Variants in SLC13A1 observed in about 807,000 individuals in gnomAD.
SLC13A1 encodes Na(+)/sulfate cotransporter.
Under a neutral mutation model 70.0 loss-of-function variants are expected in SLC13A1, and 65 were observed. That is an observed-to-expected ratio of 0.93 (90% confidence interval 0.76 to 1.14). SLC13A1 has a LOEUF of 1.14. Among genes scored for constraint, SLC13A1 ranks in the 50% most tolerant of loss-of-function variants. The pLI is 0.00. For missense variants in SLC13A1, 726 were observed against 717.8 expected, an observed-to-expected ratio of 1.01 and a Z score of -0.13; for synonymous variants, 275 against 250.5, an observed-to-expected ratio of 1.10 and a Z score of -0.92.
intron 7 of SLC13A1, among the ~76,000 whole-genome samples, chr7:123,146,469 C>A (rs191948663): frequency 2.0e-5 from 3 of 152,246 alleles, no homozygotes; most frequent in Admixed American, 2.0e-4. Flanking sequence ...GAGCTGAGAT[C>A]GCACCACTGT....
At chr7:123,149,099 G>A (rs756466818) in intron 6 of SLC13A1, among the ~76,000 whole-genome samples, 31 of 152,052 alleles carry the variant, frequency 2.0e-4, no homozygotes, top group Non-Finnish European at 3.8e-4. Context: ...GCCTGGTGAC[G>A]TATGACACAC....
chr7:123,138,307 A>G (rs539579176), intron 7 of SLC13A1, among the ~76,000 whole-genome samples: 2 of 152,208 alleles, frequency 1.3e-5, no homozygotes, highest in African/African-American at 4.8e-5. Context: ...TTCTTCATCC[A>G]TCCGTTGATA....
chr7:123,137,865 C>A (rs1794004676), intron 7 of SLC13A1, among the ~76,000 whole-genome samples: 1 of 152,076 alleles, frequency 6.6e-6, no homozygotes, highest in Non-Finnish European at 1.5e-5. Context: ...ATAATCAGAT[C>A]ATAGAAATGG....
In SLC13A1 at chr7:123,123,350, T is replaced by A. The variant is rs1793451154; in HGVS notation, c.1241-115A>T. 43 of 653,640 alleles carry A rather than the reference T, an allele frequency of 6.6e-5. No individual in the cohort carries two copies. The South Asian group carries it at 7.7e-4, about 12-fold the overall frequency. The allele number at this position is 653,640 out of a possible 1,614,324, so 40.5% of individuals were successfully genotyped here. ...AGTTTGTAATATTCCTATATTGTTTTTAAAGAGGGGAATTAATCTGGAGTT... is the reference window on the plus strand; with the variant it reads ...AGTTTGTAATATTCCTATATTGTTTATAAAGAGGGGAATTAATCTGGAGTT... On this transcript the variant is annotated intron_variant, in intron 11 of 14. Coordinates refer to ENST00000194130, the MANE Select transcript of SLC13A1 (RefSeq NM_022444.4).
chr7:123,185,457 C>T (rs1795768049), intron 1 of SLC13A1, among the ~76,000 whole-genome samples: 1 of 151,914 alleles, frequency 6.6e-6, no homozygotes, highest in Admixed American at 6.6e-5. Context: ...TTGATTTTTG[C>T]ATATAGTGAG....
intron 6 of SLC13A1, among the ~76,000 whole-genome samples, chr7:123,148,039 C>T (rs563610969): frequency 5.9e-5 from 9 of 152,252 alleles, no homozygotes; most frequent in Admixed American, 2.6e-4. Flanking sequence ...GTTTTCAACA[C>T]CATATACCTC....
chr7:123,139,375 T>C (rs778931827), intron 7 of SLC13A1, among the ~76,000 whole-genome samples: 11 of 152,150 alleles, frequency 7.2e-5, no homozygotes, highest in Non-Finnish European at 1.2e-4. Context: ...ATCTTTTTGC[T>C]AAAGATAGCT....
intron 8 of SLC13A1, among the ~76,000 whole-genome samples, chr7:123,133,243 T>C (rs1488080804): frequency 6.6e-6 from 1 of 152,186 alleles, no homozygotes; most frequent in Non-Finnish European, 1.5e-5. Flanking sequence ...GGTCTACTAA[T>C]TCCTAAAACA....
At chr7:123,125,484 G>T (rs1435341931) in intron 11 of SLC13A1, 85 bp downstream of exon 11, 2 of 940,660 alleles carry the variant, frequency 2.1e-6, no homozygotes, top group Admixed American at 2.0e-5. Flanking sequence ...CTTTCTTTCT[G>T]CTCTAGGTGC....
At chr7:123,147,537 CCTCTCTCTCTCT>C (rs112153839) in intron 6 of SLC13A1, among the ~76,000 whole-genome samples, 5 of 147,764 alleles carry the variant, frequency 3.4e-5, no homozygotes, top group East Asian at 4.0e-4. Context: ...GAGCTTGATT[CCTCTCTCTCTCT>C]CTCTCTCTCT....
rs554510998 is a variant in SLC13A1 at position 123,178,118 on chromosome 7, TTAA to T, written c.228+2852_228+2854del. The stretch of plus-strand genomic sequence containing the variant: ...TATTTAAATATTTTCGATGATAATA[TTAA>T]TGCTTGTTTTGAAATATCAAATTGA... On this transcript the variant is annotated intron_variant, in intron 2 of 14. Coordinates refer to ENST00000194130, the MANE Select transcript of SLC13A1 (RefSeq NM_022444.4). 3.6e-3 allele frequency among the ~76,000 whole-genome samples: 552 copies of T among 152,142 alleles called. 3 individuals carry two copies. Among genetic ancestry groups the T allele is most frequent in the African/African-American group, 0.012 (515 of 41,516 alleles).
intron 11 of SLC13A1, among the ~76,000 whole-genome samples, chr7:123,124,128 A>G (rs1415460131): frequency 6.6e-6 from 1 of 152,184 alleles, no homozygotes; most frequent in East Asian, 1.9e-4. Context: ...GTCATTTTTA[A>G]GCCTTGTATG....
chr7:123,134,174 T>A (rs1013011576), intron 8 of SLC13A1, among the ~76,000 whole-genome samples: 7 of 152,178 alleles, frequency 4.6e-5, no homozygotes, highest in African/African-American at 1.2e-4. Context: ...ATTATAGGCA[T>A]GAGCCACCGC....
At chr7:123,120,903 C>G (rs574047257) in intron 12 of SLC13A1, among the ~76,000 whole-genome samples, 6 of 152,162 alleles carry the variant, frequency 3.9e-5, no homozygotes, top group Non-Finnish European at 2.9e-5. Flanking sequence ...GAAATCATAT[C>G]TTCATCCCCA....
chr7:123,169,166 G>C lies in SLC13A1; in HGVS notation c.535C>G (p.His179Asp). 1 of 1,614,016 alleles carries C rather than the reference G, an allele frequency of 6.2e-7. No homozygotes were observed. ...GTGATACCATCAATTTCTAGTCCGT[G>C]GTTGGTTGATCCGTTGAAGTAAGTC... ...QMTYFNGSTN[H>D]GLEIDESVNG... is the part of the protein sequence containing the mutation. The change falls in exon 4 of 15, where the codon CAC becomes GAC. Residue 179 changes from histidine to aspartate, a missense_variant. Transcript: ENST00000194130.
At chr7:123,151,817 T>A (rs1794566497) in intron 6 of SLC13A1, among the ~76,000 whole-genome samples, 1 of 152,096 alleles carries the variant, frequency 6.6e-6, no homozygotes, top group Non-Finnish European at 1.5e-5. Context: ...ATCTTCCTCA[T>A]CCCGTCAAAT....
chr7:123,115,108 A>G lies in SLC13A1; in HGVS notation c.*410T>C, dbSNP rs1396238225. ...AATGATTTATCCAAGTACCGAATTA[A>G]CTTGTATATCTTATTTTCTATTTTT... On this transcript the variant is annotated 3_prime_UTR_variant, in exon 15 of 15. Coordinates refer to ENST00000194130, the MANE Select transcript of SLC13A1 (RefSeq NM_022444.4). 6.5e-6 allele frequency: 1 copy of G among 153,214 alleles called. No individual in the cohort carries two copies. Among genetic ancestry groups the G allele is most frequent in the Non-Finnish European group, 1.5e-5 (1 of 68,700 alleles). 9.5% of individuals were successfully genotyped at this position (153,214 alleles called of 1,614,324 possible).
rs1055069006 is a variant in SLC13A1, at chr7:123,115,627, A to G, written c.1679T>C (p.Val560Ala). The G allele has an allele frequency of 2.4e-5, 38 of 1,613,812 alleles. No individual in the cohort carries two copies. The highest frequency in any genetic ancestry group is 3.2e-5 in the Non-Finnish European group (38 of 1,179,828). Residue 560 changes from valine (V) to alanine (A), a missense_variant, in exon 15 of 15, where the codon GTT (valine) becomes GCT (alanine). Physicochemically the swap from Val to Ala is moderately conservative, Grantham distance 64. Coordinates refer to ENST00000194130, the MANE Select transcript of SLC13A1 (RefSeq NM_022444.4). The part of the protein sequence containing the change: ...MVKAGLGVNI[V>A]GVAVVMLGIC... ...GCCAAGCATAACCACAGCAACACCA[A>G]CAATGTTGACACCAAGTCCAGCTTT... is the stretch of plus-strand genomic sequence containing the variant.
chr7:123,177,219 C>A (rs779630315), intron 2 of SLC13A1, among the ~76,000 whole-genome samples: 18 of 152,128 alleles, frequency 1.2e-4, no homozygotes, highest in Non-Finnish European at 2.2e-4. Flanking sequence ...ATCTTTGACA[C>A]TTTTCTTCCA....
Sources: allele counts gnomAD v4.1 joint callset (sites outside exome capture counted in the v4.1 genomes callset), GRCh38; gene constraint gnomAD v4.1.1; transcripts MANE v1.5; gene names NCBI Gene and HGNC (gene_info 2026-07-23, HGNC 2026-07-21).